The following TBC1D8 variants were observed in gnomAD, a reference collection of about 807,000 sequenced individuals.
TBC1D8 encodes TBC1 domain family member 8, also known as BUB2-like protein 1.
In TBC1D8, 65 loss-of-function variants were observed where a neutral mutation model predicts 118.8. The observed-to-expected ratio is 0.55, with a 90% CI of 0.45 to 0.67. TBC1D8 has a LOEUF of 0.67. Ranked by LOEUF, TBC1D8 falls within the 30% of genes least tolerant of loss-of-function variation. TBC1D8 has a pLI of 0.00. For missense variants in TBC1D8, 1,376 were observed against 1,471.2 expected, an observed-to-expected ratio of 0.94 and a Z score of 1.06; for synonymous variants, 566 against 595.8, an observed-to-expected ratio of 0.95 and a Z score of 0.73.
rs770092747 is a variant in TBC1D8 at position 101,022,497 on chromosome 2, A to T, written c.2545T>A (p.Trp849Arg). The T allele has an allele frequency of 1.9e-6, 3 of 1,597,550 alleles. No individual in the cohort carries two copies. The highest frequency in any genetic ancestry group is 2.6e-6 in the Non-Finnish European group (3 of 1,175,648). The change falls in exon 16 of 20, where the codon TGG (tryptophan) becomes AGG (arginine). Residue 849 changes from tryptophan (W) to arginine (R), a missense_variant. Trp to Arg is a moderately radical substitution (Grantham distance 101, BLOSUM62 -3). Coordinates refer to ENST00000409318, the MANE Select transcript of TBC1D8 (RefSeq NM_001330348.2). ...FKREHMMSCY[W>R]EQPRPMASRH... Reference sequence around the variant, plus strand: ...GAGGCCATGGGCCTGGGCTGCTCCCAGTAACAGCTCATCATATGTTCTCTC... The same window carrying T: ...GAGGCCATGGGCCTGGGCTGCTCCCTGTAACAGCTCATCATATGTTCTCTC...
intron 6 of TBC1D8, among the ~76,000 whole-genome samples, chr2:101,039,783 T>C (rs1448484932): frequency 6.6e-6 from 1 of 152,144 alleles, no homozygotes; most frequent in East Asian, 1.9e-4. Context: ...TGATGCTTTT[T>C]GTAGGTTGCT....
At chr2:101,076,657 G>A (rs1369366071) in intron 2 of TBC1D8, among the ~76,000 whole-genome samples, 1 of 152,174 alleles carries the variant, frequency 6.6e-6, no homozygotes, top group Non-Finnish European at 1.5e-5. Context: ...CATGAAAAGA[G>A]GGATGGGGAG....
rs1477442120 is a variant in TBC1D8, at chr2:101,033,602, G to A, written c.1760C>T (p.Ala587Val). The change falls in exon 10 of 20, where the codon GCT becomes GTT. Residue 587 changes from alanine to valine, a missense_variant. By Grantham distance (64) the Ala-to-Val change is moderately conservative. Transcript: ENST00000409318. ...PAFQNETGIA[A>V]LRRVLTAYAH... ...ATAGGCCGTCAAGACTCTCCTCAAA[G>A]CAGCAATTCCCGTTTCGTTCTGGAA... is the stretch of plus-strand genomic sequence containing the variant. 5 of 1,613,906 alleles carry A rather than the reference G, an allele frequency of 3.1e-6. No homozygotes were observed. Among genetic ancestry groups the A allele is most frequent in the Non-Finnish European group, 4.2e-6 (5 of 1,179,878 alleles).
rs772352018 is a variant in TBC1D8 at position 101,028,395 on chromosome 2, G to A, written c.2260C>T (p.Pro754Ser). 1.9e-6 allele frequency: 3 copies of A among 1,605,288 alleles called. No homozygotes were observed. In the African/African-American group the frequency reaches 4.0e-5, roughly 21 times the overall value. The stretch of plus-strand genomic sequence containing the variant: ...AAGGCATGGTGGCTGCCAACTGGGG[G>A]CCCTGGGCTGTCCTCATTCTTAATG... ...DHIKNEDSPG[P>S]PVGSHHAFFS... is the part of the protein sequence containing the mutation. Residue 754 changes from proline (P) to serine (S), a missense_variant, in exon 13 of 20, where the codon CCC (proline) becomes TCC (serine). Transcript: ENST00000409318.
chr2:101,015,415 A>G (rs1244671314), intron 17 of TBC1D8, among the ~76,000 whole-genome samples: 1 of 152,192 alleles, frequency 6.6e-6, no homozygotes, highest in Non-Finnish European at 1.5e-5. Context: ...CATTTTAAAA[A>G]TATTCTTCTT....
chr2:101,146,052 C>T (rs1679304555), intron 1 of TBC1D8, among the ~76,000 whole-genome samples: 1 of 85,808 alleles, frequency 1.2e-5, no homozygotes, highest in African/African-American at 5.9e-5. Context: ...TTGATGTATA[C>T]TGTTTATTAA....
rs772708709 is a variant in TBC1D8, at chr2:101,050,389, A to G, written c.872+12T>C. ...GTGCGGGTGGGAGACACTCTAGAAC[A>G]GTCACTTTCACCTCTTGGTGATCTG... On this transcript the variant is annotated intron_variant, in intron 5 of 19. Coordinates refer to ENST00000409318, the MANE Select transcript of TBC1D8 (RefSeq NM_001330348.2). 6 of 1,611,482 alleles carry G rather than the reference A, an allele frequency of 3.7e-6. No individual in the cohort carries two copies. The highest frequency in any genetic ancestry group is 5.1e-6 in the Non-Finnish European group (6 of 1,179,002).
At chr2:101,133,057 G>C (rs1678663920) in intron 1 of TBC1D8, among the ~76,000 whole-genome samples, 1 of 151,216 alleles carries the variant, frequency 6.6e-6, no homozygotes, top group African/African-American at 2.4e-5. Context: ...CTACTCGGGA[G>C]GCTGAGGCAG....
At chr2:101,068,956 C>T (rs1413905113) in intron 2 of TBC1D8, among the ~76,000 whole-genome samples, 3 of 150,026 alleles carry the variant, frequency 2.0e-5, no homozygotes, top group African/African-American at 4.9e-5. Flanking sequence ...GCAGAGATCG[C>T]GCCACTGCAC....
At chr2:101,137,333 G>A (rs67885068) in intron 1 of TBC1D8, among the ~76,000 whole-genome samples, 23,834 of 148,878 alleles carry the variant, frequency 0.16, 1,934 homozygotes, top group African/African-American at 0.2. Flanking sequence ...ACGTTTTTGA[G>A]ACGGAGTCTC....
intron 1 of TBC1D8, among the ~76,000 whole-genome samples, chr2:101,100,694 C>G (rs900524880): frequency 6.6e-6 from 1 of 152,012 alleles, no homozygotes; most frequent in African/African-American, 2.4e-5. Flanking sequence ...AACAGGCACA[C>G]AGACCAATGC....
At chr2:101,117,356 A>C (rs1464429206) in intron 1 of TBC1D8, among the ~76,000 whole-genome samples, 1 of 152,118 alleles carries the variant, frequency 6.6e-6, no homozygotes, top group Non-Finnish European at 1.5e-5. Context: ...TGGCTCTCCA[A>C]AGCCTCCCAC....
Position 101,007,515 on chromosome 2 carries a change from T to G in TBC1D8, c.*306A>C. 3.0e-6 allele frequency: 1 copy of G among 337,800 alleles called. No homozygotes were observed. The highest frequency in any genetic ancestry group is 5.5e-6 in the Non-Finnish European group (1 of 183,222). 20.9% of individuals were successfully genotyped at this position (337,800 alleles called of 1,614,324 possible). On this transcript the variant is annotated 3_prime_UTR_variant, in exon 20 of 20. Coordinates refer to ENST00000409318, the MANE Select transcript of TBC1D8 (RefSeq NM_001330348.2). ...CTTGCTTCTTGGTTAGTATGAGACA[T>G]TGTGTTCATCTGAGAGCAAAATCAA...
At chr2:101,122,220 C>T (rs1033391021) in intron 1 of TBC1D8, among the ~76,000 whole-genome samples, 9 of 150,712 alleles carry the variant, frequency 6.0e-5, no homozygotes, top group Admixed American at 1.3e-4. Context: ...TACAGGTGTG[C>T]GCCACCATAC....
chr2:101,134,057 G>A (rs1020523676), intron 1 of TBC1D8, among the ~76,000 whole-genome samples: 2 of 152,194 alleles, frequency 1.3e-5, no homozygotes, highest in Non-Finnish European at 2.9e-5. Flanking sequence ...ATTACAATTT[G>A]AGATGAGATT....
intron 2 of TBC1D8, among the ~76,000 whole-genome samples, chr2:101,081,254 C>T (rs1219942008): frequency 1.3e-5 from 2 of 152,206 alleles, no homozygotes; most frequent in Non-Finnish European, 2.9e-5. Context: ...CCCCTGCCCA[C>T]CAGGTAAGCT....
intron 5 of TBC1D8, among the ~76,000 whole-genome samples, chr2:101,041,952 G>C (rs1294695487): frequency 6.6e-6 from 1 of 151,894 alleles, no homozygotes; most frequent in Non-Finnish European, 1.5e-5. Flanking sequence ...TTGAGCCCAG[G>C]AGATAGAGGT....
rs754503350 is a variant in TBC1D8, at chr2:101,054,303, C to T, written c.436G>A (p.Ala146Thr). The change falls in exon 4 of 20, where the codon GCC (alanine) becomes ACC (threonine). Residue 146 changes from alanine to threonine, a missense_variant. By Grantham distance (58) the Ala-to-Thr change is moderately conservative. Coordinates refer to ENST00000409318, the MANE Select transcript of TBC1D8 (RefSeq NM_001330348.2). ...LIAEETSSRLAEQEEEPEKFR... is the reference protein window; with the variant it reads ...LIAEETSSRLTEQEEEPEKFR... ...TTCTCGGGTTCCTCCTCCTGCTCGGCGAGCCTGCTGCTGGTCTCCTCGGCT... is the reference window on the plus strand; with the variant it reads ...TTCTCGGGTTCCTCCTCCTGCTCGGTGAGCCTGCTGCTGGTCTCCTCGGCT... 39 of 1,574,432 alleles carry T rather than the reference C, an allele frequency of 2.5e-5. No individual in the cohort carries two copies. Among genetic ancestry groups the T allele is most frequent in the Admixed American group, 1.3e-4 (7 of 54,036 alleles).
Position 101,026,317 on chromosome 2 carries a change from G to A in TBC1D8, c.2520+1066C>T, listed in dbSNP as rs1228448155. Among the ~76,000 whole-genome samples, 13 of 152,268 alleles carry A rather than the reference G, an allele frequency of 8.5e-5. No individual in the cohort carries two copies. The East Asian group carries it at 2.5e-3, about 29-fold the overall frequency. The stretch of plus-strand genomic sequence containing the variant: ...TGAAAGCCAAAATGAGGCGGGGGTT[G>A]GGATACCAAGTAACCTTTGACTTCA... On this transcript the variant is annotated intron_variant, in intron 15 of 19. Coordinates refer to ENST00000409318, the MANE Select transcript of TBC1D8 (RefSeq NM_001330348.2).
Sources: allele counts gnomAD v4.1 joint callset (sites outside exome capture counted in the v4.1 genomes callset), GRCh38; gene constraint gnomAD v4.1.1; transcripts MANE v1.5; gene names NCBI Gene and HGNC (gene_info 2026-07-23, HGNC 2026-07-21).